KAZN: variants seen among roughly 807,000 people sequenced by gnomAD.
The protein encoded by KAZN is kazrin, periplakin interacting protein.
Under a neutral mutation model 87.4 loss-of-function variants are expected in KAZN, and 40 were observed. That is an observed-to-expected ratio of 0.46 (90% confidence interval 0.36 to 0.60). The LOEUF is 0.60. KAZN is among the 20% of genes least tolerant of loss of function. The pLI, the probability that KAZN is intolerant of heterozygous loss-of-function variation, is 0.00. For missense variants in KAZN, 898 were observed against 1,073.9 expected (o/e 0.84, Z 2.29); for synonymous variants, 466 against 458.3 (o/e 1.02, Z -0.22).
intron 2 of KAZN, among the ~76,000 whole-genome samples, chr1:14,975,093 G>T (rs969965826): frequency 3.3e-5 from 5 of 152,216 alleles, no homozygotes; most frequent in Admixed American, 3.3e-4. Context: ...GCCTCAGCAG[G>T]TCACAGAGGG....
At chr1:14,407,994 A>G (rs1664004308) in intron 2 of KAZN, among the ~76,000 whole-genome samples, 1 of 152,206 alleles carries the variant, frequency 6.6e-6, no homozygotes, top group African/African-American at 2.4e-5. Context: ...TATCACATCC[A>G]TGGGGAACTG....
At chr1:14,158,296 CT>C (rs1297119162) in intron 1 of KAZN, among the ~76,000 whole-genome samples, 2 of 151,738 alleles carry the variant, frequency 1.3e-5, no homozygotes, top group Non-Finnish European at 2.9e-5. Context: ...GTTTTTTATT[CT>C]TTTTTCTTTT....
chr1:15,033,359 G>A (rs1671927257), intron 2 of KAZN, among the ~76,000 whole-genome samples: 1 of 152,188 alleles, frequency 6.6e-6, no homozygotes, highest in South Asian at 2.1e-4. Context: ...TTTGGGCTCT[G>A]ATGAATAATG....
At chr1:14,908,557 GAAAC>G (rs1656871595) in intron 1 of KAZN, among the ~76,000 whole-genome samples, 1 of 151,966 alleles carries the variant, frequency 6.6e-6, no homozygotes, top group African/African-American at 2.4e-5. Flanking sequence ...CAAAAAGAAA[GAAAC>G]AAGAAGAAAA....
chr1:14,057,996 A>G (rs1156814473), intron 1 of KAZN, among the ~76,000 whole-genome samples: 2 of 152,182 alleles, frequency 1.3e-5, no homozygotes, highest in Admixed American at 6.5e-5. Flanking sequence ...TAGAAATTCA[A>G]TGGAACTTCT....
intron 12 of KAZN, 85 bp from the exon 13 acceptor site, chr1:15,103,938 G>A: frequency 1.4e-6 from 2 of 1,383,860 alleles, no homozygotes; most frequent in Non-Finnish European, 2.0e-6. Context: ...TGCTGTTGGG[G>A]ACAGAGCCCC....
intron 8 of KAZN, among the ~76,000 whole-genome samples, chr1:15,070,554 C>T (rs978864276): frequency 5.9e-5 from 9 of 152,242 alleles, no homozygotes; most frequent in Non-Finnish European, 1.0e-4. Context: ...GTCCAGGAGC[C>T]GCCCCGCACC....
intron 1 of KAZN, among the ~76,000 whole-genome samples, chr1:14,782,815 G>C (rs973705152): frequency 1.3e-5 from 2 of 152,068 alleles, no homozygotes; most frequent in Admixed American, 6.6e-5. Context: ...GGAATCCCAG[G>C]GTAGAGGCAT....
chr1:14,749,616 G>A (rs376235650), intron 1 of KAZN, among the ~76,000 whole-genome samples: 25 of 152,326 alleles, frequency 1.6e-4, no homozygotes, highest in African/African-American at 6.0e-4. Context: ...GCAGGCTACA[G>A]GGCAGAGGAG....
intron 2 of KAZN, among the ~76,000 whole-genome samples, chr1:14,998,738 G>C (rs1244519222): frequency 6.6e-6 from 1 of 152,036 alleles, no homozygotes. Flanking sequence ...TAGTAGAGAC[G>C]GGGTTTCGCC....
intron 1 of KAZN, among the ~76,000 whole-genome samples, chr1:14,132,745 C>G (rs781105878): frequency 6.6e-6 from 1 of 152,114 alleles, no homozygotes; most frequent in Non-Finnish European, 1.5e-5. Context: ...ATGTTTCCCC[C>G]ATACATGACA....
At chr1:14,179,933 G>A (rs1317829610) in intron 1 of KAZN, among the ~76,000 whole-genome samples, 1 of 152,154 alleles carries the variant, frequency 6.6e-6, no homozygotes, top group Non-Finnish European at 1.5e-5. Context: ...GCCCACATGT[G>A]GCACTGATTG....
chr1:14,072,669 C>T (rs754212231), intron 1 of KAZN, among the ~76,000 whole-genome samples: 6 of 152,178 alleles, frequency 3.9e-5, no homozygotes, highest in Admixed American at 3.3e-4. Context: ...ACACCTAAGT[C>T]ATACTGACCT....
In KAZN at chr1:14,353,385, G is replaced by A. The variant is rs190190582; in HGVS notation, c.249+172793G>A. Among the ~76,000 whole-genome samples the A allele has an allele frequency of 7.0e-4, 106 of 152,002 alleles. 1 individual carries two copies. The highest frequency in any genetic ancestry group is 3.9e-4 in the Admixed American group (6 of 15,266). On this transcript the variant is annotated intron_variant, in intron 2 of 16. Transcript: ENST00000636203. ...ACTACAGGTGCCTGCCACCACGCCC[G>A]GCTAATTTTTTGTATTTTTAGTAGA...
intron 1 of KAZN, among the ~76,000 whole-genome samples, chr1:14,097,133 G>C (rs554218940): frequency 1.3e-5 from 2 of 152,236 alleles, no homozygotes; most frequent in African/African-American, 4.8e-5. Context: ...GGTGGAAGTT[G>C]GAAAGTATAG....
chr1:14,042,397 A>G (rs531191523), intron 1 of KAZN, among the ~76,000 whole-genome samples: 2 of 152,318 alleles, frequency 1.3e-5, no homozygotes, highest in South Asian at 4.1e-4. Context: ...GACCTGTAGA[A>G]CATTCTCCCT....
intron 2 of KAZN, among the ~76,000 whole-genome samples, chr1:14,340,861 A>G (rs1228576078): frequency 7.1e-6 from 1 of 141,084 alleles, no homozygotes; most frequent in Non-Finnish European, 1.5e-5. Context: ...TGTTCATCTT[A>G]TATCTCCGTA....
At chr1:14,585,529 C>A (rs549775930) in intron 2 of KAZN, among the ~76,000 whole-genome samples, 2 of 152,248 alleles carry the variant, frequency 1.3e-5, no homozygotes, top group Admixed American at 6.5e-5. Flanking sequence ...CAGAGGAGGC[C>A]AAGCCAAAGA....
In KAZN at chr1:14,972,912, G is replaced by A. The variant is rs114297531; in HGVS notation, c.418+12037G>A. Among the ~76,000 whole-genome samples, 803 of 152,138 alleles carry A rather than the reference G, an allele frequency of 5.3e-3. 10 individuals are homozygous for A. The highest frequency in any genetic ancestry group is 0.042 in the South Asian group (200 of 4,800). On this transcript the variant is annotated intron_variant, in intron 2 of 14. Coordinates refer to ENST00000376030, the MANE Select transcript of KAZN (RefSeq NM_201628.3). Reference sequence around the variant, plus strand: ...GAATGCAACACAGGAGAGGGGGTGTGGGGAACAGGGACTGCAGTTTCACTC... The same window carrying A: ...GAATGCAACACAGGAGAGGGGGTGTAGGGAACAGGGACTGCAGTTTCACTC...
Sources: gnomAD v4.1 joint callset for allele counts (sites outside exome capture counted in the v4.1 genomes callset) on GRCh38, gnomAD v4.1.1 for gene constraint, MANE v1.5 for transcripts, NCBI Gene and HGNC (gene_info 2026-07-23, HGNC 2026-07-21) for gene names.